The following ROBO1 variants were observed in gnomAD, a reference collection of about 807,000 sequenced individuals.
The protein encoded by ROBO1 is roundabout guidance receptor 1, also known as roundabout homolog 1.
In ROBO1, 149 loss-of-function variants were observed where a neutral mutation model predicts 195.9. That is an observed-to-expected ratio of 0.76 (90% CI 0.67 to 0.87). ROBO1 has a LOEUF of 0.87. ROBO1 is among the 40% of genes least tolerant of loss of function. The pLI is 0.00. For missense variants in ROBO1, 1,933 were observed against 2,068.3 expected, an observed-to-expected ratio of 0.93 and a Z score of 1.27; for synonymous variants, 816 against 733.2, an observed-to-expected ratio of 1.11 and a Z score of -1.82.
At chr3:79,042,593 T>C (rs188013517) in intron 3 of ROBO1, among the ~76,000 whole-genome samples, 39 of 151,730 alleles carry the variant, frequency 2.6e-4, no homozygotes, top group African/African-American at 9.0e-4. Flanking sequence ...ACAGATGATA[T>C]CATATTTCTA....
chr3:78,917,794 A>G (rs1000186484), intron 4 of ROBO1, among the ~76,000 whole-genome samples: 3 of 152,346 alleles, frequency 2.0e-5, no homozygotes, highest in South Asian at 2.1e-4. Flanking sequence ...TGTCTGGCCT[A>G]TTAACAATTC....
chr3:79,269,704 C>A (rs1375903214), intron 2 of ROBO1, among the ~76,000 whole-genome samples: 2 of 151,572 alleles, frequency 1.3e-5, no homozygotes, highest in African/African-American at 4.8e-5. Context: ...ATGTAATTAG[C>A]ACTGTATTTT....
chr3:79,613,149 G>T (rs2107931805), intron 1 of ROBO1, among the ~76,000 whole-genome samples: 1 of 152,048 alleles, frequency 6.6e-6, no homozygotes, highest in East Asian at 1.9e-4. Flanking sequence ...CTGAAAAAGG[G>T]TCAAGTATAT....
chr3:79,682,754 G>A (rs1005816116), intron 1 of ROBO1, among the ~76,000 whole-genome samples: 6 of 151,768 alleles, frequency 4.0e-5, no homozygotes, highest in Non-Finnish European at 7.4e-5. Flanking sequence ...CCCTTACTTG[G>A]GCATAACCGC....
intron 1 of ROBO1, among the ~76,000 whole-genome samples, chr3:79,672,469 A>G (rs748110501): frequency 2.0e-5 from 3 of 151,932 alleles, no homozygotes; most frequent in Non-Finnish European, 4.4e-5. Flanking sequence ...CAATAAGTTA[A>G]TTTCTTGTAT....
At chr3:79,216,259 G>C (rs552288080) in intron 2 of ROBO1, among the ~76,000 whole-genome samples, 1 of 152,002 alleles carries the variant, frequency 6.6e-6, no homozygotes, top group Non-Finnish European at 1.5e-5. Flanking sequence ...GAAATGACAC[G>C]TATCTATCTG....
At chr3:79,152,704 G>A (rs761340157) in intron 2 of ROBO1, among the ~76,000 whole-genome samples, 12 of 151,772 alleles carry the variant, frequency 7.9e-5, no homozygotes, top group East Asian at 3.9e-4. Flanking sequence ...ACAAGAAACC[G>A]AAATAACAGA....
intron 5 of ROBO1, among the ~76,000 whole-genome samples, chr3:78,731,091 A>G (rs969417833): frequency 3.3e-5 from 5 of 152,184 alleles, no homozygotes; most frequent in Non-Finnish European, 7.4e-5. Context: ...AAAATAAAAG[A>G]GAAAATGATC....
At chr3:79,519,878 G>T (rs926703076) in intron 2 of ROBO1, among the ~76,000 whole-genome samples, 1 of 152,016 alleles carries the variant, frequency 6.6e-6, no homozygotes, top group Admixed American at 6.6e-5. Context: ...AGACCTTGCA[G>T]CTGGGCACCG....
intron 3 of ROBO1, chr3:79,019,442 C>T (rs1442650357): frequency 2.0e-6 from 2 of 986,180 alleles, no homozygotes; most frequent in East Asian, 1.1e-4. Context: ...CTCACGCTGC[C>T]TCCTCTCCAG....
intron 4 of ROBO1, among the ~76,000 whole-genome samples, chr3:78,816,756 G>A (rs2029987525): frequency 6.6e-6 from 1 of 152,162 alleles, no homozygotes; most frequent in Non-Finnish European, 1.5e-5. Context: ...AATTACAAGT[G>A]GAGCCTGATG....
At chr3:79,237,904 A>C (rs2082443265) in intron 2 of ROBO1, among the ~76,000 whole-genome samples, 2 of 152,326 alleles carry the variant, frequency 1.3e-5, no homozygotes, top group South Asian at 2.1e-4. Context: ...CATATTGTAA[A>C]GGTAGAGCCA....
chr3:79,659,625 A>G (rs1415579747), intron 1 of ROBO1, among the ~76,000 whole-genome samples: 1 of 151,838 alleles, frequency 6.6e-6, no homozygotes, highest in African/African-American at 2.4e-5. Flanking sequence ...AAAAAAACAC[A>G]ATATTTTTTG....
chr3:79,701,041 A>G (rs1325369162), intron 1 of ROBO1, among the ~76,000 whole-genome samples: 1 of 151,836 alleles, frequency 6.6e-6, no homozygotes, highest in East Asian at 1.9e-4. Flanking sequence ...TCTTCTGCAT[A>G]TGGTAGCCAT....
chr3:78,945,609 C>T (rs963964475), intron 3 of ROBO1, among the ~76,000 whole-genome samples: 8 of 152,180 alleles, frequency 5.3e-5, no homozygotes, highest in South Asian at 2.1e-4. Flanking sequence ...AAAATCAGAG[C>T]GCCTCTCCTC....
chr3:79,089,627 T>C (rs2079438885), intron 3 of ROBO1, among the ~76,000 whole-genome samples: 1 of 152,148 alleles, frequency 6.6e-6, no homozygotes, highest in Non-Finnish European at 1.5e-5. Context: ...TACCTAAAAA[T>C]TGTCTCCAAT....
chr3:78,798,898 T>C (rs1029980840), intron 4 of ROBO1, among the ~76,000 whole-genome samples: 2 of 152,154 alleles, frequency 1.3e-5, no homozygotes, highest in South Asian at 2.1e-4. Flanking sequence ...AGATGAAGGA[T>C]AGACCATCAA....
intron 1 of ROBO1, among the ~76,000 whole-genome samples, chr3:79,601,137 A>G (rs1252437246): frequency 6.6e-6 from 1 of 151,988 alleles, no homozygotes; most frequent in African/African-American, 2.4e-5. Context: ...TTAGAGATGG[A>G]ATTCGAAAGA....
intron 1 of ROBO1, among the ~76,000 whole-genome samples, chr3:79,685,999 C>A (rs1947096263): frequency 6.6e-6 from 1 of 152,140 alleles, no homozygotes; most frequent in African/African-American, 2.4e-5. Context: ...CTGAATCCAG[C>A]AGCACATCAA....
Sources: allele counts gnomAD v4.1 joint callset (sites outside exome capture counted in the v4.1 genomes callset), GRCh38; gene constraint gnomAD v4.1.1; transcripts MANE v1.5; gene names NCBI Gene and HGNC (gene_info 2026-07-23, HGNC 2026-07-21).